Variants in BTBD8 observed in about 807,000 individuals in gnomAD.
BTBD8 encodes BTB/POZ domain-containing protein 8.
Under a neutral mutation model 162.9 loss-of-function variants are expected in BTBD8, and 110 were observed. The observed-to-expected ratio is 0.68, with a 90% CI of 0.58 to 0.79. BTBD8 has a LOEUF of 0.79. BTBD8 is among the 30% of genes least tolerant of loss of function. The pLI, the probability that BTBD8 is intolerant of heterozygous loss-of-function variation, is 0.00. For missense variants in BTBD8, 1,905 were observed against 2,085.4 expected, an observed-to-expected ratio of 0.91 and a Z score of 1.68; for synonymous variants, 667 against 716.1, an observed-to-expected ratio of 0.93 and a Z score of 1.10.
chr1:92,176,530 C>T (rs958797140), intron 13 of BTBD8, among the ~76,000 whole-genome samples: 4 of 152,156 alleles, frequency 2.6e-5, no homozygotes, highest in Non-Finnish European at 4.4e-5. Context: ...TCTTTATAGA[C>T]ATTAATCTCT....
In BTBD8 at chr1:92,184,210, A is replaced by G. The variant is rs537055580; in HGVS notation, c.5259A>G (p.Arg1753=). The G allele has an allele frequency of 6.4e-7, 1 of 1,551,592 alleles. No individual in the cohort carries two copies. The change falls in exon 18 of 18, where the codon AGA becomes AGG. Residue 1753 remains arginine (R), a synonymous_variant. Transcript: ENST00000636805. ...TAACACATATTGACACTTTGAACAG[A>G]TGGAGTGAACTAACATCTCCACTTG... ...QGITHIDTLN[R]WSELTSPLDS... is the part of the protein sequence containing the mutation.
intron 9 of BTBD8, among the ~76,000 whole-genome samples, chr1:92,165,737 A>G (rs1266290302): frequency 6.6e-6 from 1 of 152,074 alleles, no homozygotes; most frequent in Non-Finnish European, 1.5e-5. Context: ...GGTCTTCCCT[A>G]TTAGGCCTCT....
chr1:92,088,565 C>G (rs1386137728), intron 1 of BTBD8, 133 bp from the exon 2 acceptor site: 1 of 672,946 alleles, frequency 1.5e-6, no homozygotes. Flanking sequence ...TGAGAACAAA[C>G]TCATTTTTGT....
At chr1:92,095,164 A>G (rs544172955) in intron 2 of BTBD8, among the ~76,000 whole-genome samples, 6 of 152,314 alleles carry the variant, frequency 3.9e-5, no homozygotes, top group Admixed American at 2.6e-4. Flanking sequence ...CACATTCTCT[A>G]TCTGGTTCTC....
At chr1:92,160,026 A>G (rs1190461526) in intron 9 of BTBD8, among the ~76,000 whole-genome samples, 1 of 152,102 alleles carries the variant, frequency 6.6e-6, no homozygotes, top group Non-Finnish European at 1.5e-5. Flanking sequence ...AGTAATGTGT[A>G]TATTGTCCCA....
intron 5 of BTBD8, among the ~76,000 whole-genome samples, chr1:92,132,071 A>C (rs1481616712): frequency 6.6e-6 from 1 of 152,158 alleles, no homozygotes; most frequent in East Asian, 1.9e-4. Flanking sequence ...GAAGAAATTT[A>C]AAAGTTTTCC....
chr1:92,113,107 A>G (rs1175657696), intron 4 of BTBD8, among the ~76,000 whole-genome samples: 1 of 152,226 alleles, frequency 6.6e-6, no homozygotes, highest in Non-Finnish European at 1.5e-5. Context: ...TCAAAAGGAG[A>G]AAATAGTTTT....
intron 17 of BTBD8, 107 bp from the exon 18 acceptor site, chr1:92,183,757 T>TG: frequency 2.3e-6 from 1 of 439,010 alleles, no homozygotes; most frequent in South Asian, 7.2e-5. Flanking sequence ...CATTCTGTGT[T>TG]TTTTTTTTTT....
chr1:92,175,143 A>G (rs1191117258), intron 13 of BTBD8, among the ~76,000 whole-genome samples: 1 of 151,942 alleles, frequency 6.6e-6, no homozygotes, highest in Non-Finnish European at 1.5e-5. Flanking sequence ...ACAATCTCAT[A>G]CAGCTTCCAA....
chr1:92,179,369 G>A (rs1046066410), intron 16 of BTBD8, among the ~76,000 whole-genome samples: 19 of 152,074 alleles, frequency 1.2e-4, no homozygotes, highest in African/African-American at 4.3e-4. Flanking sequence ...TTCTGAAAAC[G>A]AAAAGAGTAC....
intron 13 of BTBD8, among the ~76,000 whole-genome samples, chr1:92,173,785 G>A (rs1036901262): frequency 6.6e-6 from 1 of 152,176 alleles, no homozygotes; most frequent in Non-Finnish European, 1.5e-5. Context: ...CAGGATTATT[G>A]TGAAAATTAG....
Position 92,181,338 on chromosome 1 carries a change from G to A in BTBD8, c.3655G>A (p.Glu1219Lys). ...KNSPKNMETSESPESHETPET... is the reference protein window; with the variant it reads ...KNSPKNMETSKSPESHETPET... ...TTCTCCTAAAAATATGGAAACATCA[G>A]AATCTCCAGAGAGCCATGAAACTCC... is the stretch of plus-strand genomic sequence containing the variant. Residue 1219 changes from glutamate (E) to lysine (K), a missense_variant, in exon 17 of 18, where the codon GAA (glutamate) becomes AAA (lysine). Glu to Lys is a moderately conservative substitution (Grantham distance 56). This residue lies in a region of BTBD8 where 1,374 missense variants were observed against 1,442.7 expected (regional missense o/e 0.95). Coordinates refer to ENST00000636805, the MANE Select transcript of BTBD8 (RefSeq NM_001376131.1). 1.3e-6 allele frequency: 2 copies of A among 1,551,582 alleles called. No individual in the cohort carries two copies. Among genetic ancestry groups the A allele is most frequent in the South Asian group, 2.4e-5 (2 of 84,060 alleles).
chr1:92,098,408 G>A (rs1029268139), intron 2 of BTBD8, among the ~76,000 whole-genome samples: 3 of 151,942 alleles, frequency 2.0e-5, no homozygotes, highest in African/African-American at 7.3e-5. Context: ...ATTTTTTGTG[G>A]GAACATACAT....
chr1:92,122,198 A>G (rs1389751544), intron 4 of BTBD8, among the ~76,000 whole-genome samples: 1 of 151,988 alleles, frequency 6.6e-6, no homozygotes, highest in Non-Finnish European at 1.5e-5. Context: ...CTATACCACA[A>G]TTTGTTTATT....
rs1245622694 is a variant in BTBD8, at chr1:92,144,035, G to A, written c.930+2824G>A. 2.3e-5 allele frequency among the ~76,000 whole-genome samples: 3 copies of A among 130,834 alleles called. No individual in the cohort carries two copies. In the East Asian group the frequency reaches 6.8e-4, roughly 30 times the overall value. 85.8% of individuals were successfully genotyped at this position (130,834 alleles called of 152,430 possible). A position where few individuals can be genotyped will look rare whatever the true frequency, so the allele number is the denominator to read the frequency against. On this transcript the variant is annotated intron_variant, in intron 7 of 17. Transcript: ENST00000636805. ...TCACCCGGGCTAGAGTGCAAGTGGT[G>A]CGATCTCAGCTCACTGTAACCTCTG... is the stretch of plus-strand genomic sequence containing the variant.
intron 7 of BTBD8, among the ~76,000 whole-genome samples, chr1:92,146,667 TTTG>T (rs1649930116): frequency 6.6e-6 from 1 of 152,220 alleles, no homozygotes; most frequent in Non-Finnish European, 1.5e-5. Context: ...TCTCTGTAGT[TTTG>T]TTTTTTTCCG....
chr1:92,168,780 G>C, intron 11 of BTBD8, 86 bp from the exon 12 acceptor site: 1 of 1,267,072 alleles, frequency 7.9e-7, no homozygotes, highest in Non-Finnish European at 1.1e-6. Context: ...ATCTAGCTTA[G>C]GAGTAAGTAG....
At chr1:92,086,843 T>C (rs756983570) in intron 1 of BTBD8, among the ~76,000 whole-genome samples, 33 of 152,180 alleles carry the variant, frequency 2.2e-4, no homozygotes, top group Admixed American at 4.6e-4. Flanking sequence ...CACCTTGATG[T>C]TGGACTTCCC....
intron 9 of BTBD8, among the ~76,000 whole-genome samples, chr1:92,155,839 T>C (rs920232182): frequency 3.3e-5 from 5 of 152,202 alleles, no homozygotes; most frequent in Admixed American, 3.3e-4. Context: ...GTGAAGTGTT[T>C]AGAGTTTGCT....
Sources: allele counts gnomAD v4.1 joint callset (sites outside exome capture counted in the v4.1 genomes callset), GRCh38; gene constraint gnomAD v4.1.1; regional missense constraint gnomAD v4.1.1; transcripts MANE v1.5; gene names NCBI Gene and HGNC (gene_info 2026-07-23, HGNC 2026-07-21).